MYO7B: variants seen among roughly 807,000 people sequenced by gnomAD.
MYO7B encodes myosin VIIB, also known as unconventional myosin-VIIb.
MYO7B carries 212 observed loss-of-function variants against 259.7 expected under a neutral mutation model. The ratio of observed to expected loss-of-function variants is 0.82; its 90% CI spans 0.73 to 0.91. The LOEUF (loss-of-function observed/expected upper bound fraction) is 0.91, where lower values mean the gene tolerates loss of function less well. Among genes scored for constraint, MYO7B ranks in the 40% least tolerant of loss-of-function variants. The pLI, the probability that MYO7B is intolerant of heterozygous loss-of-function variation, is 0.00. For missense variants in MYO7B, 2,732 were observed against 2,813.5 expected, an observed-to-expected ratio of 0.97 and a Z score of 0.66; for synonymous variants, 1,197 against 1,166.4, an observed-to-expected ratio of 1.03 and a Z score of -0.54.
intron 19 of MYO7B, among the ~76,000 whole-genome samples, chr2:127,603,471 G>A (rs1487485174): frequency 1.3e-5 from 2 of 152,174 alleles, no homozygotes; most frequent in Non-Finnish European, 2.9e-5. Flanking sequence ...TTGGGTGGCC[G>A]GGTGAATTGT....
rs1242996237 is a variant in MYO7B at position 127,559,691 on chromosome 2, T to C, written c.-23-9T>C. 6.2e-7 allele frequency: 1 copy of C among 1,613,878 alleles called. No individual in the cohort carries two copies. Among genetic ancestry groups the C allele is most frequent in the Non-Finnish European group, 8.5e-7 (1 of 1,179,798 alleles). Reference sequence around the variant, plus strand: ...TGGAGCTGACGTTCTGCTTTCTCTCTCCATACAGGCTTGTGGAACTGCTGA... The same window carrying C: ...TGGAGCTGACGTTCTGCTTTCTCTCCCCATACAGGCTTGTGGAACTGCTGA... On this transcript the variant is annotated splice_polypyrimidine_tract_variant and intron_variant, in intron 1 of 47. Transcript: ENST00000409816. The surrounding 1 kb of genome is among the most constrained non-coding windows in gnomAD (Gnocchi z 4.1).
rs540932412 is a variant in MYO7B, at chr2:127,559,113, G to A, written c.-23-587G>A. Among the ~76,000 whole-genome samples, 51 of 152,230 alleles carry A rather than the reference G, an allele frequency of 3.4e-4. No homozygotes were observed. Among genetic ancestry groups the A allele is most frequent in the African/African-American group, 1.1e-3 (47 of 41,530 alleles). On this transcript the variant is annotated intron_variant, in intron 1 of 47. Coordinates refer to ENST00000409816, the MANE Select transcript of MYO7B (RefSeq NM_001393586.1). This position sits in a 1 kb window ranked among gnomAD's most constrained non-coding sequence, Gnocchi z 4.1. ...AAATGGGACAAGTGGGCTCCTCCCC[G>A]CTCCTCCTCCTGCTGGGCCTGGCTG...
chr2:127,562,448 C>G (rs1183321383), intron 2 of MYO7B, among the ~76,000 whole-genome samples: 3 of 151,530 alleles, frequency 2.0e-5, no homozygotes, highest in Admixed American at 2.0e-4. Context: ...AGGCGCCCAC[C>G]ACCACGCCCA....
chr2:127,597,881 G>A lies in MYO7B; in HGVS notation c.2339+1325G>A, dbSNP rs986562531. 5.3e-5 allele frequency among the ~76,000 whole-genome samples: 8 copies of A among 151,838 alleles called. No homozygotes were observed. Among genetic ancestry groups the A allele is most frequent in the African/African-American group, 1.7e-4 (7 of 41,328 alleles). ...TCAAACTCCTGGCCTCAAGTGATCC[G>A]CCCGCCTCAGCCTCTCAAAGTGCTG... On this transcript the variant is annotated intron_variant, in intron 19 of 47. Coordinates refer to ENST00000409816, the MANE Select transcript of MYO7B (RefSeq NM_001393586.1). The surrounding 1 kb of genome is among the most constrained non-coding windows in gnomAD (Gnocchi z 4.8).
In MYO7B at chr2:127,607,340, G is replaced by A. The variant is rs557628197; in HGVS notation, c.2559G>A (p.Gln853=). 269 of 1,551,378 alleles carry A rather than the reference G, an allele frequency of 1.7e-4. 1 individual carries two copies. Among genetic ancestry groups the A allele is most frequent in the South Asian group, 1.4e-3 (120 of 84,064 alleles). The change falls in exon 21 of 48, where the codon CAG becomes CAA. Residue 853 remains glutamine, a synonymous_variant. Coordinates refer to ENST00000409816, the MANE Select transcript of MYO7B (RefSeq NM_001393586.1). The surrounding 1 kb of genome is among the most constrained non-coding windows in gnomAD (Gnocchi z 4.4). Reference sequence around the variant, plus strand: ...GATACCTGGTGCGCCAGCAAGTCCAGGCCAAGAGGAGGGCAGTGGTGGTCA... The same window carrying A: ...GATACCTGGTGCGCCAGCAAGTCCAAGCCAAGAGGAGGGCAGTGGTGGTCA... ...CRGYLVRQQV[Q]AKRRAVVVIQ...
chr2:127,564,451 C>T (rs937607346), intron 3 of MYO7B, among the ~76,000 whole-genome samples, 185 bp downstream of exon 3: 4 of 151,906 alleles, frequency 2.6e-5, no homozygotes, highest in African/African-American at 7.3e-5. Flanking sequence ...TCCTGGGGAA[C>T]GTTTCAAGAA....
chr2:127,572,234 C>A (rs1393396317), intron 6 of MYO7B, among the ~76,000 whole-genome samples: 2 of 152,162 alleles, frequency 1.3e-5, no homozygotes, highest in Non-Finnish European at 2.9e-5. Flanking sequence ...GCCTGGTCAA[C>A]ATGGGGAAAC....
At position 127,539,990 on chromosome 2, in the gene MYO7B, T is replaced by C. The variant is rs919753427; in HGVS notation, c.-24+4159T>C. On this transcript the variant is annotated intron_variant, in intron 1 of 47. Coordinates refer to ENST00000409816, the MANE Select transcript of MYO7B (RefSeq NM_001393586.1). The surrounding 1 kb of genome is among the most constrained non-coding windows in gnomAD (Gnocchi z 4.0). ...ATAATGGCCTCCAGCTCCATCCAAG[T>C]AGCTGCCCAAGACATTATTTCATTG... Among the ~76,000 whole-genome samples, 4 of 152,228 alleles carry C rather than the reference T, an allele frequency of 2.6e-5. No individual in the cohort carries two copies. Among genetic ancestry groups the C allele is most frequent in the Admixed American group, 2.6e-4 (4 of 15,278 alleles).
intron 1 of MYO7B, among the ~76,000 whole-genome samples, chr2:127,542,673 A>C (rs530338074): frequency 1.8e-4 from 27 of 152,320 alleles, no homozygotes; most frequent in African/African-American, 6.5e-4. Context: ...GTATAGAGAA[A>C]GAAAAGTGGG....
At chr2:127,575,415 C>G (rs1296398715) in intron 7 of MYO7B, among the ~76,000 whole-genome samples, 1 of 151,820 alleles carries the variant, frequency 6.6e-6, no homozygotes, top group South Asian at 2.1e-4. Context: ...AGGTGAGAAA[C>G]AAGGCCTGCC....
chr2:127,541,894 G>T (rs776697026), intron 1 of MYO7B, among the ~76,000 whole-genome samples: 1 of 152,240 alleles, frequency 6.6e-6, no homozygotes, highest in Non-Finnish European at 1.5e-5. Context: ...CTGCCTTGCC[G>T]TCGCTGACTG....
chr2:127,552,815 C>T (rs1033368834), intron 1 of MYO7B, among the ~76,000 whole-genome samples: 2 of 152,178 alleles, frequency 1.3e-5, no homozygotes, highest in African/African-American at 4.8e-5. Flanking sequence ...CCTGAAAGAG[C>T]TGTCTGGGAG....
rs940905402 is a variant in MYO7B, at chr2:127,590,634, T to C, written c.1992+405T>C. Among the ~76,000 whole-genome samples the C allele has an allele frequency of 1.3e-5, 2 of 152,226 alleles. No individual in the cohort carries two copies. The highest frequency in any genetic ancestry group is 2.9e-5 in the Non-Finnish European group (2 of 68,038). ...AAGGCAGAAATCAGTAATAGGACTT[T>C]AGAGGCTGACACCACTCCTTTCACC... On this transcript the variant is annotated intron_variant, in intron 16 of 47. Transcript: ENST00000409816. The surrounding 1 kb of genome is among the most constrained non-coding windows in gnomAD (Gnocchi z 4.6).
In MYO7B at chr2:127,633,319, T is replaced by A. The variant is rs568393830; in HGVS notation, c.5467T>A (p.Ser1823Thr). 1 of 1,612,738 alleles carries A rather than the reference T, an allele frequency of 6.2e-7. No homozygotes were observed. The highest frequency in any genetic ancestry group is 1.7e-5 in the Admixed American group (1 of 59,984). The change falls in exon 40 of 48, where the codon TCC becomes ACC. Residue 1823 changes from serine to threonine, a missense_variant. Coordinates refer to ENST00000409816, the MANE Select transcript of MYO7B (RefSeq NM_001393586.1). ...GGTGGAGGCCGCAGAGCAGAACGTC[T>A]CCCGCATCTGCCACAAGATCTACTT... ...VEVEAAEQNV[S>T]RICHKIYFPN... is the part of the protein sequence containing the mutation.
rs1358889378 is a variant in MYO7B, at chr2:127,597,807, AT to A, written c.2339+1253del. On this transcript the variant is annotated intron_variant, in intron 19 of 47. Coordinates refer to ENST00000409816, the MANE Select transcript of MYO7B (RefSeq NM_001393586.1). This position sits in a 1 kb window ranked among gnomAD's most constrained non-coding sequence, Gnocchi z 4.8. ...CGCCCGCCACCATGCCTGGCTAATT[AT>A]TGTATTTTTTGTAGAGATGGGGTTT... Among the ~76,000 whole-genome samples the A allele has an allele frequency of 3.3e-5, 5 of 151,542 alleles. No individual in the cohort carries two copies.
chr2:127,616,852 T>A (rs1292536978), intron 26 of MYO7B, among the ~76,000 whole-genome samples: 1 of 152,200 alleles, frequency 6.6e-6, no homozygotes, highest in East Asian at 1.9e-4. Context: ...AAATTTTGAG[T>A]GGCACTGATG....
At chr2:127,622,160 C>T in intron 28 of MYO7B, 59 bp downstream of exon 28, 1 of 1,501,812 alleles carries the variant, frequency 6.7e-7, no homozygotes, top group Non-Finnish European at 8.9e-7. Flanking sequence ...CCCAGGGACC[C>T]CCAGCACAGC....
chr2:127,556,031 C>T (rs1693623119), intron 1 of MYO7B, among the ~76,000 whole-genome samples: 1 of 152,168 alleles, frequency 6.6e-6, no homozygotes, highest in Admixed American at 6.5e-5. Context: ...TTGCTGCTAT[C>T]TCATTTCTTA....
At chr2:127,623,138 G>A (rs1403853048) in intron 28 of MYO7B, 64 bp from the exon 29 acceptor site, 9 of 1,571,826 alleles carry the variant, frequency 5.7e-6, no homozygotes, top group East Asian at 4.6e-5. Context: ...GGTAGTGGAT[G>A]GGGGGTTGGC....
Sources: gnomAD v4.1 joint callset for allele counts (sites outside exome capture counted in the v4.1 genomes callset) on GRCh38, gnomAD v4.1.1 for gene constraint, Gnocchi (gnomAD v3.1) non-coding constraint, MANE v1.5 for transcripts, NCBI Gene and HGNC (gene_info 2026-07-23, HGNC 2026-07-21) for gene names.